Variants in RBKS observed in about 807,000 individuals in gnomAD.
RBKS encodes the protein ribokinase.
RBKS carries 33 observed loss-of-function variants against 33.9 expected under a neutral mutation model. The ratio of observed to expected loss-of-function variants is 0.97; its 90% CI spans 0.74 to 1.30. The LOEUF is 1.30. Among genes scored for constraint, RBKS ranks in the 50% most tolerant of loss-of-function variants. The pLI is 0.00. For synonymous variants in RBKS, 125 were observed against 143.0 expected (o/e 0.87, Z 0.90); for missense variants, 361 against 392.6 (o/e 0.92, Z 0.68).
At chr2:27,856,488 A>G (rs988592884) in intron 2 of RBKS, among the ~76,000 whole-genome samples, 1 of 152,202 alleles carries the variant, frequency 6.6e-6, no homozygotes, top group Non-Finnish European at 1.5e-5. Context: ...GTTCAGTTCC[A>G]TAACTCAAAT....
chr2:27,791,642 A>AT (rs1677523436), intron 7 of RBKS, among the ~76,000 whole-genome samples: 1 of 136,332 alleles, frequency 7.3e-6, no homozygotes, highest in African/African-American at 2.9e-5. Flanking sequence ...ACACACACAC[A>AT]CTAAATATAC....
intron 4 of RBKS, among the ~76,000 whole-genome samples, chr2:27,844,345 A>G (rs1663575844): frequency 6.6e-6 from 1 of 152,104 alleles, no homozygotes; most frequent in Admixed American, 6.6e-5. Context: ...AAGATAGTAC[A>G]AAGGAAATAA....
chr2:27,826,537 T>G (rs1486047809), intron 7 of RBKS, among the ~76,000 whole-genome samples: 1 of 151,980 alleles, frequency 6.6e-6, no homozygotes. Flanking sequence ...GCCCCCCAAG[T>G]AGCTGAGACT....
At chr2:27,887,300 G>C (rs1035586505) in intron 1 of RBKS, among the ~76,000 whole-genome samples, 1 of 152,132 alleles carries the variant, frequency 6.6e-6, no homozygotes, top group Non-Finnish European at 1.5e-5. Context: ...AAAGAAAACA[G>C]ATCCTCCTCT....
intron 2 of RBKS, among the ~76,000 whole-genome samples, chr2:27,850,831 T>C (rs2148215621): frequency 6.6e-6 from 1 of 152,360 alleles, no homozygotes; most frequent in South Asian, 2.1e-4. Context: ...TTCTCAATAC[T>C]TAAATATTAG....
intron 1 of RBKS, among the ~76,000 whole-genome samples, chr2:27,864,392 G>A (rs1664046339): frequency 6.6e-6 from 1 of 152,140 alleles, no homozygotes. Flanking sequence ...TTGTAGAGTG[G>A]ACAAACAACA....
chr2:27,872,554 G>C (rs1182285101), intron 1 of RBKS, among the ~76,000 whole-genome samples: 1 of 151,940 alleles, frequency 6.6e-6, no homozygotes, highest in Non-Finnish European at 1.5e-5. Context: ...GATAAAATAT[G>C]GTAACTCACT....
intron 2 of RBKS, among the ~76,000 whole-genome samples, chr2:27,848,422 C>T (rs1663666526): frequency 6.6e-6 from 1 of 152,154 alleles, no homozygotes; most frequent in Non-Finnish European, 1.5e-5. Context: ...TATGAAGAAT[C>T]TCAGCTGTTT....
At chr2:27,784,554 C>T (rs906611633) in intron 7 of RBKS, among the ~76,000 whole-genome samples, 1 of 152,106 alleles carries the variant, frequency 6.6e-6, no homozygotes, top group Non-Finnish European at 1.5e-5. Flanking sequence ...GAAAGCGCCC[C>T]CCACCTTGCC....
chr2:27,862,085 C>G (rs1246421916), intron 1 of RBKS, among the ~76,000 whole-genome samples: 1 of 151,342 alleles, frequency 6.6e-6, no homozygotes, highest in Non-Finnish European at 1.5e-5. Flanking sequence ...AGAGCTGGGA[C>G]CACAGGTGCA....
At chr2:27,831,167 CA>C (rs1041603797) in intron 6 of RBKS, among the ~76,000 whole-genome samples, 17 of 152,082 alleles carry the variant, frequency 1.1e-4, no homozygotes, top group African/African-American at 4.1e-4. Context: ...CTGAGAGTGA[CA>C]ATAAATAATT....
At chr2:27,816,308 C>T (rs1167921841) in intron 7 of RBKS, among the ~76,000 whole-genome samples, 4 of 152,176 alleles carry the variant, frequency 2.6e-5, no homozygotes, top group Non-Finnish European at 5.9e-5. Context: ...AATATGGCCC[C>T]CTGGGCATGA....
chr2:27,836,116 G>A (rs979081715), intron 5 of RBKS, among the ~76,000 whole-genome samples: 2 of 152,160 alleles, frequency 1.3e-5, no homozygotes, highest in African/African-American at 2.4e-5. Context: ...TTGGGAGGCT[G>A]AGGCAGGACA....
intron 1 of RBKS, among the ~76,000 whole-genome samples, chr2:27,887,011 C>T (rs1664546138): frequency 1.3e-5 from 2 of 152,150 alleles, no homozygotes; most frequent in African/African-American, 2.4e-5. Context: ...AAAGTATGTC[C>T]ACATCCAAAT....
chr2:27,844,075 A>G (rs1292080480), intron 4 of RBKS, among the ~76,000 whole-genome samples: 1 of 152,088 alleles, frequency 6.6e-6, no homozygotes, highest in East Asian at 1.9e-4. Context: ...AGCCTGGTCA[A>G]ATGGTGAAAA....
At chr2:27,878,365 A>G (rs1481185280) in intron 1 of RBKS, among the ~76,000 whole-genome samples, 1 of 151,094 alleles carries the variant, frequency 6.6e-6, no homozygotes, top group African/African-American at 2.4e-5. Flanking sequence ...TGAACTCATC[A>G]TTTTTTATGG....
intron 2 of RBKS, among the ~76,000 whole-genome samples, chr2:27,857,968 A>G (rs1663891440): frequency 6.6e-6 from 1 of 152,232 alleles, no homozygotes; most frequent in South Asian, 2.1e-4. Flanking sequence ...GTGTCCATCA[A>G]TCCATTCATT....
At chr2:27,847,175 A>G (rs1017654286) in intron 3 of RBKS, 71 bp from the exon 4 acceptor site, 1 of 876,390 alleles carries the variant, frequency 1.1e-6, no homozygotes, top group South Asian at 1.4e-5. Context: ...AACAATTTCA[A>G]TACAACACTA....
At chr2:27,876,364 G>A (rs1664316408) in intron 1 of RBKS, among the ~76,000 whole-genome samples, 1 of 152,176 alleles carries the variant, frequency 6.6e-6, no homozygotes, top group South Asian at 2.1e-4. Flanking sequence ...TATGCTAAGT[G>A]AAGTAAGCCA....
Sources: gnomAD v4.1 joint callset for allele counts (sites outside exome capture counted in the v4.1 genomes callset) on GRCh38, gnomAD v4.1.1 for gene constraint, MANE v1.5 for transcripts, NCBI Gene and HGNC (gene_info 2026-07-23, HGNC 2026-07-21) for gene names.